Variants in CPHXL2 observed in about 807,000 individuals in gnomAD.
CPHXL2 encodes the protein cytoplasmic polyadenylated homeobox like 2, also known as cytoplasmic polyadenylated homeobox-like protein 2.
the CPHXL2 span, among the ~76,000 whole-genome samples, chr16:75,675,287 T>C: frequency 5.5e-4 from 83 of 151,666 alleles, no homozygotes; most frequent in Middle Eastern, 3.4e-3. Context: ...CCCAAAGTGC[T>C]GGGATTACAG....
the CPHXL2 span, among the ~76,000 whole-genome samples, chr16:75,674,542 A>C: frequency 6.6e-6 from 1 of 152,180 alleles, no homozygotes; most frequent in South Asian, 2.1e-4. Context: ...AATACAAAGT[A>C]AAAATCCCTA....
At chr16:75,674,330 A>C in the CPHXL2 span, among the ~76,000 whole-genome samples, 1 of 141,106 alleles carries the variant, frequency 7.1e-6, no homozygotes, top group Non-Finnish European at 1.5e-5. Context: ...CCGAGATCGC[A>C]CCACTGCACT....
chr16:75,666,265 G>A, the CPHXL2 span, among the ~76,000 whole-genome samples: 1 of 151,692 alleles, frequency 6.6e-6, no homozygotes, highest in African/African-American at 2.4e-5. Context: ...TAAAGCTGGA[G>A]TTCCCAAATT....
chr16:75,668,231 ATT>A, the CPHXL2 span, among the ~76,000 whole-genome samples: 16,814 of 74,190 alleles, frequency 0.23, 2,072 homozygotes, highest in East Asian at 0.72. Context: ...ATACATATAT[ATT>A]TTTTTTTTTT....
chr16:75,662,547 T>C, the CPHXL2 span, among the ~76,000 whole-genome samples: 178 of 152,148 alleles, frequency 1.2e-3, no homozygotes, highest in African/African-American at 4.0e-3. Flanking sequence ...CTCATTAGTG[T>C]AGAAAAAGAC....
At chr16:75,667,693 TTC>T in the CPHXL2 span, among the ~76,000 whole-genome samples, 1 of 152,374 alleles carries the variant, frequency 6.6e-6, no homozygotes, top group East Asian at 1.9e-4. Flanking sequence ...ACAGGCAATT[TTC>T]AAATTTGTAT....
chr16:75,676,075 G>A, the CPHXL2 span, among the ~76,000 whole-genome samples: 7 of 151,502 alleles, frequency 4.6e-5, no homozygotes, highest in South Asian at 2.1e-4. Flanking sequence ...GCAAAACTCC[G>A]TCTCCAAAAA....
the CPHXL2 span, among the ~76,000 whole-genome samples, chr16:75,668,837 T>G: frequency 6.6e-6 from 1 of 152,348 alleles, no homozygotes; most frequent in East Asian, 1.9e-4. Flanking sequence ...ATTTTCTTTT[T>G]TTAAATTTTC....
At chr16:75,663,044 C>T in the CPHXL2 span, among the ~76,000 whole-genome samples, 1 of 152,200 alleles carries the variant, frequency 6.6e-6, no homozygotes, top group African/African-American at 2.4e-5. Context: ...TCATGATCCG[C>T]CCGCCTCGGC....
chr16:75,669,115 C>T, the CPHXL2 span, among the ~76,000 whole-genome samples: 1 of 152,018 alleles, frequency 6.6e-6, no homozygotes, highest in African/African-American at 2.4e-5. Flanking sequence ...AGGAGTTCGA[C>T]ACCAGCCCGG....
At chr16:75,674,529 T>C in the CPHXL2 span, among the ~76,000 whole-genome samples, 2 of 152,054 alleles carry the variant, frequency 1.3e-5, no homozygotes, top group African/African-American at 2.4e-5. Context: ...GATCCACAGA[T>C]ACAATACAAA....
the CPHXL2 span, among the ~76,000 whole-genome samples, chr16:75,676,809 G>T: frequency 6.6e-6 from 1 of 152,120 alleles, no homozygotes; most frequent in African/African-American, 2.4e-5. Context: ...ATTTTTAAAT[G>T]CCTAGTCCTA....
chr16:75,674,655 A>C, the CPHXL2 span, among the ~76,000 whole-genome samples: 1 of 152,162 alleles, frequency 6.6e-6, no homozygotes, highest in African/African-American at 2.4e-5. Flanking sequence ...TTGAAAAAGA[A>C]CAAAGATGGA....
chr16:75,671,006 C>G, the CPHXL2 span, among the ~76,000 whole-genome samples: 1 of 152,164 alleles, frequency 6.6e-6, no homozygotes, highest in African/African-American at 2.4e-5. Flanking sequence ...TTCTGATCCC[C>G]TTGATTCACT....
the CPHXL2 span, among the ~76,000 whole-genome samples, chr16:75,675,910 C>G: frequency 6.6e-6 from 1 of 152,066 alleles, no homozygotes; most frequent in Non-Finnish European, 1.5e-5. Context: ...GAAACCCCGT[C>G]TCTACTAAAA....
the CPHXL2 span, chr16:75,669,388 A>C: frequency 2.5e-5 from 10 of 400,746 alleles, no homozygotes; most frequent in East Asian, 1.8e-4. Flanking sequence ...CGGACAATCA[A>C]ATTTGTTGGC....
the CPHXL2 span, among the ~76,000 whole-genome samples, chr16:75,669,200 A>G: frequency 6.6e-6 from 1 of 151,856 alleles, no homozygotes; most frequent in Non-Finnish European, 1.5e-5. Context: ...AGTCCTTGCT[A>G]CTAAATGGGG....
chr16:75,666,688 A>T, the CPHXL2 span, among the ~76,000 whole-genome samples: 1 of 152,124 alleles, frequency 6.6e-6, no homozygotes, highest in Non-Finnish European at 1.5e-5. Flanking sequence ...GACAAAGTCA[A>T]CAAAAAACAA....
chr16:75,672,544 T>C, the CPHXL2 span, among the ~76,000 whole-genome samples: 3 of 152,154 alleles, frequency 2.0e-5, no homozygotes, highest in African/African-American at 7.2e-5. Flanking sequence ...CAAGCTGTAG[T>C]GCAATGGTGC....
Sources: allele counts gnomAD v4.1 joint callset (sites outside exome capture counted in the v4.1 genomes callset), GRCh38; gene constraint gnomAD v4.1.1; transcripts MANE v1.5; gene names NCBI Gene and HGNC (gene_info 2026-07-23, HGNC 2026-07-21).